The following GCSH variants were observed in gnomAD, a reference collection of about 807,000 sequenced individuals.
GCSH encodes glycine cleavage system H protein, mitochondrial.
A neutral mutation model predicts 21.3 loss-of-function variants in GCSH; 15 were observed. The observed-to-expected ratio is 0.70, with a 90% CI of 0.47 to 1.08. The LOEUF (loss-of-function observed/expected upper bound fraction) is 1.08, where lower values mean the gene tolerates loss of function less well. GCSH is among the 50% of genes least tolerant of loss of function. The probability of loss-of-function intolerance (pLI) is 0.00; values close to 1 mark genes in which losing one functional copy is unlikely to be tolerated. For missense variants in GCSH, 179 were observed against 217.5 expected, an observed-to-expected ratio of 0.82 and a Z score of 1.11; for synonymous variants, 59 against 84.5, an observed-to-expected ratio of 0.70 and a Z score of 1.66.
At chr16:81,086,604 A>C (rs1232743125) in intron 3 of GCSH, among the ~76,000 whole-genome samples, 2 of 151,318 alleles carry the variant, frequency 1.3e-5, no homozygotes, top group African/African-American at 4.9e-5. Context: ...AAGGCTGAAA[A>C]GTTAACAGTC....
rs145107719 is a variant in GCSH, at chr16:81,093,841, G to A, written c.148+2290C>T. Among the ~76,000 whole-genome samples, 796 of 152,220 alleles carry A rather than the reference G, an allele frequency of 5.2e-3. 7 individuals carry two copies. The highest frequency in any genetic ancestry group is 0.018 in the African/African-American group (763 of 41,552). On this transcript the variant is annotated intron_variant, in intron 1 of 4. Coordinates refer to ENST00000315467, the MANE Select transcript of GCSH (RefSeq NM_004483.5). The stretch of plus-strand genomic sequence containing the variant: ...GCATGCTGTTTAGGCTAAAGGCAAT[G>A]ATTAGTACAATTCTCCTTTAACCCT...
intron 2 of GCSH, 142 bp downstream of exon 2, chr16:81,090,459 C>A (rs1384620777): frequency 2.9e-6 from 2 of 694,906 alleles, no homozygotes; most frequent in East Asian, 2.8e-5. Context: ...TGGCCTCAAG[C>A]AATCCTCCTG....
At chr16:81,083,590 A>T (rs564865446) in intron 4 of GCSH, 1 of 154,688 alleles carries the variant, frequency 6.5e-6, no homozygotes, top group Middle Eastern at 3.4e-3. Flanking sequence ...TAACAAATGG[A>T]ACACTAACTA....
chr16:81,086,530 C>CT (rs1972284762), intron 3 of GCSH, among the ~76,000 whole-genome samples: 1 of 151,828 alleles, frequency 6.6e-6, no homozygotes, highest in Non-Finnish European at 1.5e-5. Flanking sequence ...GCATTCCAGC[C>CT]TGGGCAACAG....
intron 3 of GCSH, among the ~76,000 whole-genome samples, chr16:81,086,319 G>A (rs1000140161): frequency 1.3e-5 from 2 of 151,922 alleles, no homozygotes; most frequent in Non-Finnish European, 2.9e-5. Flanking sequence ...GATCACTTGA[G>A]GTCACGAGTT....
At chr16:81,086,429 T>C (rs8177927) in intron 3 of GCSH, among the ~76,000 whole-genome samples, 5,925 of 151,548 alleles carry the variant, frequency 0.039, 302 homozygotes, top group African/African-American at 0.12. Flanking sequence ...TGGTTGTGCA[T>C]GCCTGTACTC....
At chr16:81,083,133 T>C in intron 4 of GCSH, 170 bp from the exon 5 acceptor site, 5 of 646,808 alleles carry the variant, frequency 7.7e-6, no homozygotes, top group African/African-American at 1.8e-5. Context: ...AATACTTGTA[T>C]ATAACAAATG....
chr16:81,085,894 C>T (rs567835050), intron 3 of GCSH, among the ~76,000 whole-genome samples: 3,982 of 5,650 alleles, frequency 0.7, 1,251 homozygotes, highest in East Asian at 0.8. Context: ...CGGTGGCTCA[C>T]GCCTGTAATC....
At chr16:81,095,320 G>T (rs186344957) in intron 1 of GCSH, among the ~76,000 whole-genome samples, 1 of 151,336 alleles carries the variant, frequency 6.6e-6, no homozygotes, top group East Asian at 1.9e-4. Context: ...GGAAATAGCT[G>T]AATCTTCAAA....
At chr16:81,087,496 CA>C (rs373753780) in intron 3 of GCSH, 104 bp downstream of exon 3, 106,101 of 589,654 alleles carry the variant, frequency 0.18, no homozygotes, top group South Asian at 0.24. Flanking sequence ...AGACTGTCTC[CA>C]AAAAAAAAAA....
At chr16:81,084,623 T>A (rs768801110) in intron 3 of GCSH, 29 bp from the exon 4 acceptor site, 2 of 1,563,478 alleles carry the variant, frequency 1.3e-6, no homozygotes, top group Non-Finnish European at 1.8e-6. Flanking sequence ...AAAGAAAACA[T>A]GAAATGTTAA....
chr16:81,090,065 A>G (rs1301303430), intron 2 of GCSH, among the ~76,000 whole-genome samples: 2 of 151,062 alleles, frequency 1.3e-5, no homozygotes, highest in Non-Finnish European at 3.0e-5. Context: ...ACTTAATTCA[A>G]CTCTGGTTGG....
At chr16:81,094,046 G>A (rs1292329674) in intron 1 of GCSH, among the ~76,000 whole-genome samples, 6 of 152,010 alleles carry the variant, frequency 3.9e-5, no homozygotes, top group South Asian at 2.1e-4. Flanking sequence ...TTACAAGCAC[G>A]TGCCACCACG....
chr16:81,096,116 G>A lies in GCSH; in HGVS notation c.148+15C>T, dbSNP rs544589105. The A allele has an allele frequency of 6.1e-4, 765 of 1,246,340 alleles. 2 individuals carry two copies. In the African/African-American group the frequency reaches 0.011, roughly 18 times the overall value. The allele number at this position is 1,246,340 out of a possible 1,614,324, so 77.2% of individuals were successfully genotyped here. ...GCGGGGAGGGAGCAGCCGCCCACGT[G>A]CCCGCCGCGCTTACCCGAGAGCAGA... On this transcript the variant is annotated intron_variant, in intron 1 of 4. Coordinates refer to ENST00000315467, the MANE Select transcript of GCSH (RefSeq NM_004483.5).
At chr16:81,090,449 TG>T in intron 2 of GCSH, 151 bp downstream of exon 2, 1 of 680,554 alleles carries the variant, frequency 1.5e-6, no homozygotes, top group Non-Finnish European at 2.7e-6. Flanking sequence ...CTTGAACTCC[TG>T]GCCTCAAGCA....
At position 81,096,009 on chromosome 16, in the gene GCSH, C is replaced by G. The variant is rs553910638; in HGVS notation, c.148+122G>C. The G allele has an allele frequency of 1.6e-5, 13 of 820,430 alleles. No individual in the cohort carries two copies. The East Asian group carries it at 4.5e-4, about 28-fold the overall frequency. The allele number at this position is 820,430 out of a possible 1,614,324, so 50.8% of individuals were successfully genotyped here. A position where few individuals can be genotyped will look rare whatever the true frequency, so the allele number is the denominator to read the frequency against. On this transcript the variant is annotated intron_variant, in intron 1 of 4. Coordinates refer to ENST00000315467, the MANE Select transcript of GCSH (RefSeq NM_004483.5). ...AACAGAAATAAGAAGGGGGCAGGGTCCGCGCTCGCTCCGCCCCGGTGGCTC... is the reference window on the plus strand; with the variant it reads ...AACAGAAATAAGAAGGGGGCAGGGTGCGCGCTCGCTCCGCCCCGGTGGCTC...
chr16:81,083,051 CA>C, intron 4 of GCSH, 88 bp from the exon 5 acceptor site: 1 of 834,148 alleles, frequency 1.2e-6, no homozygotes, highest in Admixed American at 1.7e-5. Context: ...CTGAGCGCCT[CA>C]ATCTTGTATT....
intron 1 of GCSH, among the ~76,000 whole-genome samples, chr16:81,093,527 C>G (rs1972441316): frequency 6.6e-6 from 1 of 152,036 alleles, no homozygotes; most frequent in Non-Finnish European, 1.5e-5. Context: ...AGGGAGACGG[C>G]AACATTACAG....
chr16:81,094,570 G>A (rs1266117808), intron 1 of GCSH, among the ~76,000 whole-genome samples: 1 of 152,044 alleles, frequency 6.6e-6, no homozygotes, highest in Non-Finnish European at 1.5e-5. Flanking sequence ...TCTGAGAAAT[G>A]CTTTACCTTT....
Sources: allele counts gnomAD v4.1 joint callset (sites outside exome capture counted in the v4.1 genomes callset), GRCh38; gene constraint gnomAD v4.1.1; transcripts MANE v1.5; gene names NCBI Gene and HGNC (gene_info 2026-07-23, HGNC 2026-07-21).